FLNB: variants seen among roughly 807,000 people sequenced by gnomAD.
FLNB encodes filamin B.
Under a neutral mutation model 250.6 loss-of-function variants are expected in FLNB, and 111 were observed. The ratio of observed to expected loss-of-function variants is 0.44; its 90% confidence interval spans 0.38 to 0.52. The LOEUF (loss-of-function observed/expected upper bound fraction) is 0.52, where lower values mean the gene tolerates loss of function less well. FLNB is among the 20% of genes least tolerant of loss of function. The pLI is 0.00. For synonymous variants in FLNB, 1,302 were observed against 1,372.1 expected (o/e 0.95, Z 1.13); for missense variants, 2,869 against 3,447.8 (o/e 0.83, Z 4.20).
At chr3:58,146,686 C>A in intron 33 of FLNB, 134 bp from the exon 34 acceptor site, 1 of 876,772 alleles carries the variant, frequency 1.1e-6, no homozygotes, top group Non-Finnish European at 1.9e-6. Flanking sequence ...TGTCCCTTTG[C>A]CCACAGCTCA....
At chr3:58,170,329 G>A (rs1046357047) in intron 45 of FLNB, among the ~76,000 whole-genome samples, 2 of 152,158 alleles carry the variant, frequency 1.3e-5, no homozygotes, top group African/African-American at 2.4e-5. Flanking sequence ...GTTTACAGAT[G>A]GGGAAGCTGA....
intron 8 of FLNB, among the ~76,000 whole-genome samples, chr3:58,101,763 G>A (rs1482987208): frequency 6.6e-6 from 1 of 152,166 alleles, no homozygotes; most frequent in Non-Finnish European, 1.5e-5. Context: ...GCTGACCCAG[G>A]TTTTGGAACC....
Position 58,148,301 on chromosome 3 carries a change from A to G in FLNB, c.5824A>G (p.Ile1942Val), listed in dbSNP as rs576072178. 3.1e-6 allele frequency: 5 copies of G among 1,614,130 alleles called. No homozygotes were observed. The Admixed American group carries it at 8.3e-5, about 27-fold the overall frequency. ...ETDLSSLTAS[I>V]KAPSGRDEPC... ...TGACCTCAGCAGCCTGACGGCCAGCATTAAGGCCCCATCTGGCCGAGACGA... is the reference window on the plus strand; with the variant it reads ...TGACCTCAGCAGCCTGACGGCCAGCGTTAAGGCCCCATCTGGCCGAGACGA... The change falls in exon 35 of 46, where the codon ATT (isoleucine) becomes GTT (valine). Residue 1942 changes from isoleucine to valine, a missense_variant. Transcript: ENST00000295956.
At position 58,154,822 on chromosome 3, in the gene FLNB, C is replaced by A. The variant is rs144628013; in HGVS notation, c.6666C>A (p.Gly2222=). 6.2e-7 allele frequency: 1 copy of A among 1,613,988 alleles called. No individual in the cohort carries two copies. The highest frequency in any genetic ancestry group is 8.5e-7 in the Non-Finnish European group (1 of 1,179,952). ...TCAGCATTTGGACCCGGGAAGCAGG[C>A]GCTGGAGGCCTCTCCATCGCTGTTG... ...AEFSIWTREA[G]AGGLSIAVEG... The change falls in exon 40 of 46, where the codon GGC becomes GGA. Residue 2222 remains glycine (G), a synonymous_variant. Transcript: ENST00000295956.
At chr3:58,106,607 A>G (rs565423765) in intron 11 of FLNB, 73 bp from the exon 12 acceptor site, 1 of 1,404,904 alleles carries the variant, frequency 7.1e-7, no homozygotes, top group South Asian at 1.2e-5. Context: ...GGCAGCGGGA[A>G]TGAGCTGTCG....
At chr3:58,073,914 A>C (rs2097198190) in intron 1 of FLNB, among the ~76,000 whole-genome samples, 1 of 152,224 alleles carries the variant, frequency 6.6e-6, no homozygotes, top group Non-Finnish European at 1.5e-5. Flanking sequence ...GGCCTTCTGC[A>C]TAGGCAATTC....
At chr3:58,092,099 A>G (rs1307029016) in intron 4 of FLNB, among the ~76,000 whole-genome samples, 1 of 152,252 alleles carries the variant, frequency 6.6e-6, no homozygotes, top group Non-Finnish European at 1.5e-5. Flanking sequence ...AGACATAAAC[A>G]GTTTCTGCTG....
At chr3:58,125,270 CTGCAGGTG>C (rs1279338190) in intron 22 of FLNB, among the ~76,000 whole-genome samples, 1 of 152,026 alleles carries the variant, frequency 6.6e-6, no homozygotes, top group Non-Finnish European at 1.5e-5. Flanking sequence ...GTAGCTGGAA[CTGCAGGTG>C]TGCACCACCA....
At chr3:58,020,950 G>A (rs754034218) in intron 1 of FLNB, among the ~76,000 whole-genome samples, 1 of 151,962 alleles carries the variant, frequency 6.6e-6, no homozygotes, top group Non-Finnish European at 1.5e-5. Flanking sequence ...GTGACTGAGG[G>A]AGAGGCAGGC....
intron 1 of FLNB, among the ~76,000 whole-genome samples, chr3:58,031,089 G>A (rs921624849): frequency 5.5e-4 from 84 of 152,278 alleles, no homozygotes; most frequent in African/African-American, 2.0e-3. Flanking sequence ...GGTTTCTGGG[G>A]ATGGGCAGAG....
At chr3:58,088,500 GA>G (rs1287255692) in intron 4 of FLNB, among the ~76,000 whole-genome samples, 1 of 151,820 alleles carries the variant, frequency 6.6e-6, no homozygotes, top group Non-Finnish European at 1.5e-5. Context: ...GGGAGCCTCT[GA>G]AAAAGGATGA....
chr3:58,110,226 C>T (rs2097266156), intron 16 of FLNB, 56 bp downstream of exon 16: 1 of 1,539,748 alleles, frequency 6.5e-7, no homozygotes, highest in Non-Finnish European at 9.0e-7. Flanking sequence ...TCTCTTTGGC[C>T]ACTTGTGTGC....
intron 19 of FLNB, 93 bp downstream of exon 19, chr3:58,119,082 A>C: frequency 2.1e-6 from 2 of 936,664 alleles, no homozygotes; most frequent in Non-Finnish European, 3.5e-6. Context: ...TTTGCAGAGA[A>C]GCAAATTCTA....
intron 43 of FLNB, among the ~76,000 whole-genome samples, chr3:58,167,381 G>A (rs1244005399): frequency 6.6e-6 from 1 of 152,230 alleles, no homozygotes; most frequent in Admixed American, 6.5e-5. Flanking sequence ...AGAGTTGCAC[G>A]ATAGCAGCTC....
intron 1 of FLNB, among the ~76,000 whole-genome samples, chr3:58,061,097 T>G (rs1018206772): frequency 6.6e-6 from 1 of 152,164 alleles, no homozygotes; most frequent in African/African-American, 2.4e-5. Flanking sequence ...CACTAGCGAT[T>G]TAAACAAACA....
At chr3:58,136,755 T>TTTTTC (rs2097316845) in intron 28 of FLNB, among the ~76,000 whole-genome samples, 1 of 139,458 alleles carries the variant, frequency 7.2e-6, no homozygotes, top group Non-Finnish European at 1.5e-5. Context: ...TCTTTTTTTT[T>TTTTTC]TTTTTTTTTT....
chr3:58,008,912 G>A, intron 1 of FLNB, 56 bp downstream of exon 1: 2 of 1,600,472 alleles, frequency 1.2e-6, no homozygotes. Context: ...GCCCCCGCGC[G>A]TGCACCCCTG....
chr3:58,127,290 C>T (rs941253566), intron 24 of FLNB, among the ~76,000 whole-genome samples: 5 of 150,050 alleles, frequency 3.3e-5, no homozygotes, highest in African/African-American at 9.9e-5. Context: ...TGCGCCACTG[C>T]GCTCCAGCTT....
chr3:58,150,880 C>G (rs761377238), intron 38 of FLNB: 1 of 154,796 alleles, frequency 6.5e-6, no homozygotes, highest in Non-Finnish European at 1.4e-5. Flanking sequence ...GAAGGGAAAT[C>G]TAAATCGTCT....
Sources: gnomAD v4.1 joint callset for allele counts (sites outside exome capture counted in the v4.1 genomes callset) on GRCh38, gnomAD v4.1.1 for gene constraint, MANE v1.5 for transcripts, NCBI Gene and HGNC (gene_info 2026-07-23, HGNC 2026-07-21) for gene names.